The following KLRG1 variants were observed in gnomAD, a reference collection of about 807,000 sequenced individuals.
KLRG1 encodes the protein killer cell lectin-like receptor subfamily G member 1.
Under a neutral mutation model 21.8 loss-of-function variants are expected in KLRG1, and 16 were observed. The ratio of observed to expected loss-of-function variants is 0.73; its 90% CI spans 0.50 to 1.11. KLRG1 has a LOEUF of 1.11. Ranked by LOEUF, KLRG1 falls within the 50% of genes most tolerant of loss-of-function variation. The pLI is 0.00. For synonymous variants in KLRG1, 69 were observed against 75.9 expected (o/e 0.91, Z 0.47); for missense variants, 173 against 218.3 (o/e 0.79, Z 1.31).
chr12:9,087,992 A>G, the KLRG1 span, among the ~76,000 whole-genome samples: 2 of 152,166 alleles, frequency 1.3e-5, no homozygotes, highest in East Asian at 3.9e-4. Flanking sequence ...ACTAAGCAGA[A>G]TTGTGATGTA....
chr12:9,195,763 A>T, the KLRG1 span, among the ~76,000 whole-genome samples: 2 of 151,550 alleles, frequency 1.3e-5, no homozygotes, highest in Non-Finnish European at 2.9e-5. Context: ...CAAATGTCTC[A>T]ATTTACTAAT....
the KLRG1 span, among the ~76,000 whole-genome samples, chr12:9,104,753 TAGAG>T: frequency 6.6e-6 from 1 of 152,292 alleles, no homozygotes; most frequent in East Asian, 1.9e-4. Flanking sequence ...ATATAACTCT[TAGAG>T]AGTCACAGAG....
chr12:8,980,654 C>T (rs1174182869), intron 1 of KLRG1, among the ~76,000 whole-genome samples: 1 of 152,162 alleles, frequency 6.6e-6, no homozygotes, highest in East Asian at 1.9e-4. Context: ...TGAGTGCACA[C>T]ATGCAATGCT....
At chr12:9,089,960 A>G in the KLRG1 span, 1 of 1,612,514 alleles carries the variant, frequency 6.2e-7, no homozygotes. Flanking sequence ...AACTGAAGGC[A>G]CCTCAGTCCC....
At chr12:8,991,400 G>A (rs1421912397) in intron 1 of KLRG1, among the ~76,000 whole-genome samples, 1 of 152,096 alleles carries the variant, frequency 6.6e-6, no homozygotes, top group Non-Finnish European at 1.5e-5. Context: ...CTGAAATGTA[G>A]ATTATTTTTA....
At chr12:9,099,424 C>G in the KLRG1 span, 2 of 1,582,876 alleles carry the variant, frequency 1.3e-6, no homozygotes, top group Admixed American at 1.8e-5. Flanking sequence ...TGCAGAATCC[C>G]CAATCACGTC....
chr12:9,116,837 CAG>C, the KLRG1 span, among the ~76,000 whole-genome samples: 1 of 152,030 alleles, frequency 6.6e-6, no homozygotes, highest in South Asian at 2.1e-4. Context: ...GGGGCAAAAA[CAG>C]ACAGAAAAAC....
chr12:9,030,717 T>G, the KLRG1 span, among the ~76,000 whole-genome samples: 1 of 152,244 alleles, frequency 6.6e-6, no homozygotes, highest in Non-Finnish European at 1.5e-5. Context: ...AAAGGAACTA[T>G]TTTTACATGA....
intron 3 of KLRG1, among the ~76,000 whole-genome samples, chr12:9,008,690 G>A (rs1947549459): frequency 6.6e-6 from 1 of 151,902 alleles, no homozygotes; most frequent in Admixed American, 6.6e-5. Flanking sequence ...CCTCTTATAA[G>A]GACACTAATT....
At chr12:9,115,496 T>C in the KLRG1 span, 18 of 348,146 alleles carry the variant, frequency 5.2e-5, no homozygotes, top group Admixed American at 6.8e-4. Flanking sequence ...TCAATATGAA[T>C]GTGAATATCT....
At chr12:9,104,549 CCAT>C in the KLRG1 span, 1 of 742,998 alleles carries the variant, frequency 1.3e-6, no homozygotes, top group African/African-American at 1.8e-5. Context: ...GAAGTTTCTT[CCAT>C]CACAGAGCTT....
the KLRG1 span, chr12:9,169,896 G>T: frequency 5.1e-6 from 1 of 196,646 alleles, no homozygotes; most frequent in Admixed American, 6.0e-5. Flanking sequence ...GACGTAACTT[G>T]CATCTGTGTT....
the KLRG1 span, among the ~76,000 whole-genome samples, chr12:9,198,728 T>C: frequency 6.6e-6 from 1 of 152,184 alleles, no homozygotes; most frequent in Admixed American, 6.5e-5. Context: ...TCTTTCCTAT[T>C]TGCAAATGGC....
the KLRG1 span, chr12:9,149,483 T>A: frequency 7.2e-7 from 1 of 1,394,114 alleles, no homozygotes; most frequent in Admixed American, 2.0e-5. Flanking sequence ...AAAAGCCTTG[T>A]AGAGAATTTA....
At chr12:9,069,140 A>G in the KLRG1 span, 1 of 216,102 alleles carries the variant, frequency 4.6e-6, no homozygotes, top group Non-Finnish European at 9.1e-6. Flanking sequence ...TTTAATATCC[A>G]GAGATTTGGT....
intron 4 of KLRG1, 61 bp from the exon 5 acceptor site, chr12:9,009,365 C>A: frequency 1.9e-6 from 3 of 1,595,224 alleles, no homozygotes; most frequent in Non-Finnish European, 1.7e-6. Flanking sequence ...TCCCTTCATG[C>A]CTTTCAACTC....
the KLRG1 span, chr12:9,104,276 T>G: frequency 1.6e-5 from 26 of 1,613,094 alleles, no homozygotes; most frequent in East Asian, 5.4e-4. Context: ...ATTGGTGGTG[T>G]TGATAGAGAA....
the KLRG1 span, chr12:9,113,254 T>C: frequency 1.7e-6 from 2 of 1,190,598 alleles, no homozygotes; most frequent in Non-Finnish European, 2.4e-6. Context: ...TTGGATTCCT[T>C]CCTGCAGTTC....
At chr12:9,079,397 T>C in the KLRG1 span, 1 of 1,469,422 alleles carries the variant, frequency 6.8e-7, no homozygotes, top group Non-Finnish European at 9.5e-7. Context: ...GAGAAATTAC[T>C]AAAAGTACCT....
Sources: gnomAD v4.1 joint callset for allele counts (sites outside exome capture counted in the v4.1 genomes callset) on GRCh38, gnomAD v4.1.1 for gene constraint, MANE v1.5 for transcripts, NCBI Gene and HGNC (gene_info 2026-07-23, HGNC 2026-07-21) for gene names.